The following SKIC3 variants were observed in gnomAD, a reference collection of about 807,000 sequenced individuals.
SKIC3 encodes the protein SKI3 subunit of superkiller complex.
At chr5:95,488,551 A>C in the SKIC3 span, among the ~76,000 whole-genome samples, 307 of 152,338 alleles carry the variant, frequency 2.0e-3, 3 homozygotes, top group African/African-American at 6.9e-3. Context: ...AAAAGAAAAA[A>C]ACTGTCAGCC....
chr5:95,512,772 T>C, the SKIC3 span: 9 of 811,494 alleles, frequency 1.1e-5, no homozygotes, highest in Non-Finnish European at 1.8e-5. Flanking sequence ...GAAGGGTCAC[T>C]ATGATAAAAC....
the SKIC3 span, among the ~76,000 whole-genome samples, chr5:95,506,172 G>C: frequency 6.6e-6 from 1 of 152,104 alleles, no homozygotes; most frequent in African/African-American, 2.4e-5. Flanking sequence ...TAATTGAAAG[G>C]AGAGGCAGTC....
the SKIC3 span, among the ~76,000 whole-genome samples, chr5:95,491,306 A>G: frequency 6.6e-6 from 1 of 152,186 alleles, no homozygotes; most frequent in Non-Finnish European, 1.5e-5. Context: ...TCAGCTGCCT[A>G]GAGTGCTGTA....
the SKIC3 span, chr5:95,529,004 G>C: frequency 6.2e-7 from 1 of 1,613,396 alleles, no homozygotes; most frequent in Non-Finnish European, 8.5e-7. Flanking sequence ...AAAATACCTT[G>C]ACTGCATGAA....
At chr5:95,525,687 G>T in the SKIC3 span, 1 of 1,610,628 alleles carries the variant, frequency 6.2e-7, no homozygotes, top group Non-Finnish European at 8.5e-7. Flanking sequence ...GAAAATAATT[G>T]TAAAGAACTG....
the SKIC3 span, among the ~76,000 whole-genome samples, chr5:95,505,684 G>A: frequency 1.3e-5 from 2 of 151,944 alleles, no homozygotes; most frequent in Non-Finnish European, 1.5e-5. Context: ...GTGGTGGTGG[G>A]CACCTGTAAT....
At chr5:95,496,172 C>T in the SKIC3 span, among the ~76,000 whole-genome samples, 44 of 152,206 alleles carry the variant, frequency 2.9e-4, no homozygotes, top group Middle Eastern at 3.4e-3. Flanking sequence ...CGTGCGCCAC[C>T]ATGCCCAGCT....
the SKIC3 span, among the ~76,000 whole-genome samples, chr5:95,540,178 A>C: frequency 6.6e-5 from 10 of 152,236 alleles, no homozygotes; most frequent in African/African-American, 2.4e-4. Context: ...TAAGTGAAGT[A>C]ACTCAGGAAT....
At chr5:95,547,860 T>C in the SKIC3 span, among the ~76,000 whole-genome samples, 2 of 152,092 alleles carry the variant, frequency 1.3e-5, no homozygotes, top group East Asian at 3.8e-4. Context: ...CTGTGAAACA[T>C]AAATCAAGAT....
At chr5:95,503,726 A>C in the SKIC3 span, 2 of 1,577,890 alleles carry the variant, frequency 1.3e-6, no homozygotes, top group Non-Finnish European at 1.7e-6. Flanking sequence ...CCCCCACCCC[A>C]TCTCATTATT....
the SKIC3 span, chr5:95,495,094 C>T: frequency 7.1e-7 from 1 of 1,412,718 alleles, no homozygotes; most frequent in Non-Finnish European, 1.0e-6. Flanking sequence ...TTGATAAGAC[C>T]TTTCCACTAA....
the SKIC3 span, chr5:95,546,953 C>T: frequency 5.5e-6 from 6 of 1,090,650 alleles, no homozygotes; most frequent in Admixed American, 7.1e-5. Flanking sequence ...TACTAAATGG[C>T]CTTACCACTT....
chr5:95,553,886 G>T, the SKIC3 span, among the ~76,000 whole-genome samples: 1 of 152,196 alleles, frequency 6.6e-6, no homozygotes, highest in Admixed American at 6.5e-5. Flanking sequence ...TGCTCCCGCA[G>T]ATCTTTATCA....
At chr5:95,488,971 TA>T in the SKIC3 span, among the ~76,000 whole-genome samples, 17 of 152,024 alleles carry the variant, frequency 1.1e-4, 1 homozygote, top group African/African-American at 3.4e-4. Flanking sequence ...CTGAATGGAT[TA>T]AAAAAAATTA....
At chr5:95,486,135 C>T in the SKIC3 span, among the ~76,000 whole-genome samples, 2 of 152,174 alleles carry the variant, frequency 1.3e-5, no homozygotes, top group Non-Finnish European at 2.9e-5. Flanking sequence ...ACCCCTGAGT[C>T]CTAAGCAGCT....
chr5:95,479,950 A>T, the SKIC3 span, among the ~76,000 whole-genome samples: 93 of 152,276 alleles, frequency 6.1e-4, no homozygotes, highest in African/African-American at 2.2e-3. Flanking sequence ...GGAGGCCTGA[A>T]GACCCATACA....
the SKIC3 span, among the ~76,000 whole-genome samples, chr5:95,549,564 C>T: frequency 6.6e-6 from 1 of 151,634 alleles, no homozygotes; most frequent in South Asian, 2.1e-4. Context: ...ACAATGGAAC[C>T]CTCTATTCTC....
chr5:95,532,983 T>C, the SKIC3 span, among the ~76,000 whole-genome samples: 1 of 152,148 alleles, frequency 6.6e-6, no homozygotes, highest in African/African-American at 2.4e-5. Flanking sequence ...AAAAAAACCA[T>C]GTACAATTTG....
chr5:95,488,066 C>T, the SKIC3 span, among the ~76,000 whole-genome samples: 1 of 151,714 alleles, frequency 6.6e-6, no homozygotes, highest in Non-Finnish European at 1.5e-5. Context: ...AAAGCTTCAA[C>T]AACAGACTAG....
Sources: allele counts gnomAD v4.1 joint callset (sites outside exome capture counted in the v4.1 genomes callset), GRCh38; gene constraint gnomAD v4.1.1; transcripts MANE v1.5; gene names NCBI Gene and HGNC (gene_info 2026-07-23, HGNC 2026-07-21).